LINGO2: variants seen among roughly 807,000 people sequenced by gnomAD.
The protein encoded by LINGO2 is leucine-rich repeat and immunoglobulin-like domain-containing nogo receptor-interacting protein 2.
Under a neutral mutation model 30.6 loss-of-function variants are expected in LINGO2, and 14 were observed. The observed-to-expected ratio is 0.46, with a 90% CI of 0.30 to 0.72. LINGO2 has a LOEUF of 0.72. Among genes scored for constraint, LINGO2 ranks in the 30% least tolerant of loss-of-function variants. LINGO2 has a pLI of 0.07. For missense variants in LINGO2, 729 were observed against 751.7 expected (o/e 0.97, Z 0.35); for synonymous variants, 317 against 288.5 (o/e 1.10, Z -1.00).
At chr9:28,577,212 C>G (rs1056369305) in intron 1 of LINGO2, among the ~76,000 whole-genome samples, 6 of 152,136 alleles carry the variant, frequency 3.9e-5, no homozygotes, top group African/African-American at 1.4e-4. Context: ...AGCTCTTGTT[C>G]CAGAGGTCAT....
the LINGO2 span, among the ~76,000 whole-genome samples, chr9:28,697,667 A>C: frequency 6.6e-6 from 1 of 151,932 alleles, no homozygotes; most frequent in Non-Finnish European, 1.5e-5. Flanking sequence ...AAAATCAGGG[A>C]AACATATCTA....
At chr9:28,173,326 A>G (rs548028442) in intron 4 of LINGO2, among the ~76,000 whole-genome samples, 1 of 152,292 alleles carries the variant, frequency 6.6e-6, no homozygotes, top group Non-Finnish European at 1.5e-5. Context: ...TGGTATTTAT[A>G]TCTGCTGTTT....
intron 1 of LINGO2, among the ~76,000 whole-genome samples, chr9:28,523,741 G>C (rs1156268865): frequency 6.6e-6 from 1 of 152,082 alleles, no homozygotes; most frequent in South Asian, 2.1e-4. Flanking sequence ...CCTGTACATT[G>C]ACAAGCACAA....
At chr9:29,115,724 A>C in the LINGO2 span, among the ~76,000 whole-genome samples, 1 of 152,084 alleles carries the variant, frequency 6.6e-6, no homozygotes, top group Non-Finnish European at 1.5e-5. Flanking sequence ...ATGATATGCA[A>C]TTAAAGAATA....
intron 4 of LINGO2, among the ~76,000 whole-genome samples, chr9:28,194,624 A>G (rs1359329092): frequency 6.6e-6 from 1 of 151,866 alleles, no homozygotes; most frequent in Non-Finnish European, 1.5e-5. Flanking sequence ...CAAAATGCAT[A>G]AAAAAGAAAA....
intron 1 of LINGO2, among the ~76,000 whole-genome samples, chr9:28,631,796 T>G (rs1464130588): frequency 6.6e-6 from 1 of 152,084 alleles, no homozygotes; most frequent in African/African-American, 2.4e-5. Flanking sequence ...AAATTCATGA[T>G]CCCTCTTGAG....
chr9:28,504,947 G>C (rs1213064118), intron 1 of LINGO2, among the ~76,000 whole-genome samples: 3 of 151,806 alleles, frequency 2.0e-5, no homozygotes, highest in African/African-American at 7.2e-5. Flanking sequence ...AAAATGGCAT[G>C]AGCATAATAG....
chr9:29,134,549 G>A, the LINGO2 span, among the ~76,000 whole-genome samples: 1 of 151,968 alleles, frequency 6.6e-6, no homozygotes, highest in South Asian at 2.1e-4. Context: ...TGAAAGGAGA[G>A]ATGGATGAGT....
chr9:29,189,295 C>T, the LINGO2 span, among the ~76,000 whole-genome samples: 3 of 150,960 alleles, frequency 2.0e-5, no homozygotes, highest in South Asian at 2.1e-4. Flanking sequence ...CCCTCCCGGA[C>T]GGGGTGGCTG....
At chr9:27,940,111 T>C in the LINGO2 span, 1 of 152,196 alleles carries the variant, frequency 6.6e-6, no homozygotes, top group Non-Finnish European at 1.5e-5. Context: ...AATCCACATA[T>C]TTTCCACCTG....
At chr9:28,886,186 G>A in the LINGO2 span, among the ~76,000 whole-genome samples, 1 of 152,124 alleles carries the variant, frequency 6.6e-6, no homozygotes, top group African/African-American at 2.4e-5. Context: ...CTCAAACTCA[G>A]AAATGAAATA....
At chr9:28,483,313 T>G (rs1826047474) in intron 1 of LINGO2, among the ~76,000 whole-genome samples, 1 of 152,066 alleles carries the variant, frequency 6.6e-6, no homozygotes, top group African/African-American at 2.4e-5. Context: ...ATTTTGGAAA[T>G]AGCTCTTGGA....
intron 1 of LINGO2, among the ~76,000 whole-genome samples, chr9:28,609,361 C>T (rs1361750000): frequency 6.6e-6 from 1 of 151,666 alleles, no homozygotes; most frequent in Non-Finnish European, 1.5e-5. Flanking sequence ...AGAAAATTTT[C>T]AGCTCAGCAA....
At chr9:28,323,556 C>T (rs774941044) in intron 3 of LINGO2, among the ~76,000 whole-genome samples, 12 of 152,174 alleles carry the variant, frequency 7.9e-5, no homozygotes, top group Non-Finnish European at 1.2e-4. Flanking sequence ...GCTGAGATCA[C>T]GTCATTGCAC....
chr9:28,415,173 T>C (rs1352158268), intron 2 of LINGO2, among the ~76,000 whole-genome samples: 4 of 152,082 alleles, frequency 2.6e-5, no homozygotes, highest in Non-Finnish European at 5.9e-5. Context: ...ATTAATCAAT[T>C]CACGTGCTAG....
chr9:29,183,112 A>G, the LINGO2 span, among the ~76,000 whole-genome samples: 9 of 152,316 alleles, frequency 5.9e-5, no homozygotes, highest in Admixed American at 5.2e-4. Flanking sequence ...ATAAAAGGAA[A>G]AGCAATGAGA....
At chr9:28,545,016 TC>T (rs1821869536) in intron 1 of LINGO2, among the ~76,000 whole-genome samples, 1 of 151,832 alleles carries the variant, frequency 6.6e-6, no homozygotes, top group African/African-American at 2.4e-5. Flanking sequence ...ATAGTCATTG[TC>T]AAAGCAACCC....
chr9:28,459,254 T>A (rs1394553909), intron 2 of LINGO2, among the ~76,000 whole-genome samples: 1 of 118,804 alleles, frequency 8.4e-6, no homozygotes, highest in East Asian at 2.7e-4. Flanking sequence ...TTTAAAAGGA[T>A]GGGAAGGAGA....
chr9:28,013,629 G>T (rs1266767422), intron 4 of LINGO2, among the ~76,000 whole-genome samples: 1 of 152,158 alleles, frequency 6.6e-6, no homozygotes, highest in African/African-American at 2.4e-5. Flanking sequence ...TCTACTTTTA[G>T]TTTCTTATTG....
Sources: gnomAD v4.1 joint callset for allele counts (sites outside exome capture counted in the v4.1 genomes callset) on GRCh38, gnomAD v4.1.1 for gene constraint, MANE v1.5 for transcripts, NCBI Gene and HGNC (gene_info 2026-07-23, HGNC 2026-07-21) for gene names.